Variants in MSL2 observed in about 807,000 individuals in gnomAD.
MSL2 encodes the protein E3 ubiquitin-protein ligase MSL2.
A neutral mutation model predicts 35.8 loss-of-function variants in MSL2; 2 were observed. That is an observed-to-expected ratio of 0.06 (90% CI 0.02 to 0.18). MSL2 has a LOEUF of 0.18. Ranked by LOEUF, MSL2 falls within the 10% of genes least tolerant of loss-of-function variation. The pLI, the probability that MSL2 is intolerant of heterozygous loss-of-function variation, is 1.00. For missense variants in MSL2, 523 were observed against 706.7 expected (o/e 0.74, Z 2.95); for synonymous variants, 296 against 255.7 (o/e 1.16, Z -1.50).
intron 1 of MSL2, among the ~76,000 whole-genome samples, chr3:136,181,991 T>A (rs372541429): frequency 7.7e-4 from 117 of 151,694 alleles, no homozygotes; most frequent in African/African-American, 2.2e-3. Context: ...GAAAAAAAAA[T>A]TTTTTAATTT....
intron 1 of MSL2, among the ~76,000 whole-genome samples, chr3:136,189,622 G>A (rs935180364): frequency 2.6e-5 from 4 of 150,992 alleles, no homozygotes; most frequent in East Asian, 1.9e-4. Context: ...TACTCAGGAG[G>A]CTGAGGCAGG....
At chr3:136,170,783 G>A (rs575395785) in intron 1 of MSL2, among the ~76,000 whole-genome samples, 2 of 152,086 alleles carry the variant, frequency 1.3e-5, no homozygotes, top group South Asian at 4.1e-4. Flanking sequence ...GATTACAGGC[G>A]TGAGCCACTG....
At chr3:136,187,231 T>A (rs1226195702) in intron 1 of MSL2, among the ~76,000 whole-genome samples, 2 of 152,188 alleles carry the variant, frequency 1.3e-5, no homozygotes, top group South Asian at 4.1e-4. Flanking sequence ...GATAACACAA[T>A]ACATTTCAAA....
intron 1 of MSL2, among the ~76,000 whole-genome samples, chr3:136,176,339 C>A (rs1030838805): frequency 2.6e-5 from 4 of 151,692 alleles, no homozygotes; most frequent in African/African-American, 9.7e-5. Context: ...CACAGCAAAA[C>A]CCCGTCTCTA....
intron 1 of MSL2, among the ~76,000 whole-genome samples, chr3:136,191,017 G>GT (rs1940672611): frequency 6.6e-6 from 1 of 152,152 alleles, no homozygotes; most frequent in South Asian, 2.1e-4. Flanking sequence ...TAACAAAACT[G>GT]TAACTGCAAT....
chr3:136,174,215 T>A (rs1222201552), intron 1 of MSL2, among the ~76,000 whole-genome samples: 1 of 152,202 alleles, frequency 6.6e-6, no homozygotes, highest in Non-Finnish European at 1.5e-5. Context: ...AATGAATTAA[T>A]CATAAAAAGA....
intron 1 of MSL2, among the ~76,000 whole-genome samples, chr3:136,178,666 G>A (rs1940251060): frequency 6.6e-6 from 1 of 150,944 alleles, no homozygotes; most frequent in Non-Finnish European, 1.5e-5. Flanking sequence ...CCAAGTAGCT[G>A]GGAAATTACA....
At chr3:136,191,692 G>A (rs1313297404) in intron 1 of MSL2, among the ~76,000 whole-genome samples, 2 of 152,122 alleles carry the variant, frequency 1.3e-5, no homozygotes, top group African/African-American at 4.8e-5. Flanking sequence ...AGGACTGCAT[G>A]AATCCAGGAG....
At position 136,149,823 on chromosome 3, in the gene MSL2, CGTA is replaced by C. The variant is rs1939296734; in HGVS notation, c.*1321_*1323del. 1 of 152,166 alleles carries C rather than the reference CGTA, an allele frequency of 6.6e-6. No homozygotes were observed. The highest frequency in any genetic ancestry group is 2.4e-5 in the African/African-American group (1 of 41,422). The allele number at this position is 152,166 out of a possible 1,614,324, so 9.4% of individuals were successfully genotyped here. A position where few individuals can be genotyped will look rare whatever the true frequency, so the allele number is the denominator to read the frequency against. On this transcript the variant is annotated 3_prime_UTR_variant, in exon 2 of 2. Transcript: ENST00000309993. The stretch of plus-strand genomic sequence containing the variant: ...GTCAGATCTTACTAGAGATGGTGAA[CGTA>C]GTAGAAATTGGAAATTTTCCAGCAG...
intron 1 of MSL2, among the ~76,000 whole-genome samples, chr3:136,172,813 G>A (rs1397366521): frequency 6.6e-6 from 1 of 152,082 alleles, no homozygotes; most frequent in Non-Finnish European, 1.5e-5. Context: ...AGAATCTTAT[G>A]AGGATCATTA....
At chr3:136,184,045 C>T (rs1156928598) in intron 1 of MSL2, among the ~76,000 whole-genome samples, 2 of 152,196 alleles carry the variant, frequency 1.3e-5, no homozygotes, top group Non-Finnish European at 2.9e-5. Context: ...CCTGTAATCG[C>T]AGCACTTTGG....
At chr3:136,158,278 C>T (rs1939589951) in intron 1 of MSL2, among the ~76,000 whole-genome samples, 1 of 151,224 alleles carries the variant, frequency 6.6e-6, no homozygotes, top group Non-Finnish European at 1.5e-5. Context: ...TGCCACTGCA[C>T]TCCAGCCTGG....
chr3:136,165,371 T>G (rs1440188209), intron 1 of MSL2, among the ~76,000 whole-genome samples: 10 of 152,218 alleles, frequency 6.6e-5, no homozygotes, highest in Admixed American at 6.5e-4. Flanking sequence ...TTCATTTTTG[T>G]GCCTCAACAT....
At chr3:136,193,010 AT>A (rs796776772) in intron 1 of MSL2, among the ~76,000 whole-genome samples, 99 of 152,332 alleles carry the variant, frequency 6.5e-4, no homozygotes, top group African/African-American at 2.3e-3. Flanking sequence ...CAGCTACTCA[AT>A]CATAAGGGAG....
chr3:136,151,483 A>C lies in MSL2; in HGVS notation c.1398T>G (p.Arg466=). The change falls in exon 2 of 2, where the codon CGT becomes CGG. Residue 466 remains arginine, a synonymous_variant. Coordinates refer to ENST00000309993, the MANE Select transcript of MSL2 (RefSeq NM_018133.4). The surrounding 1 kb of genome is among the most constrained non-coding windows in gnomAD (Gnocchi z 5.2). ...PQEKKGCKCG[R]ATQNPSVLTC... is the part of the protein sequence containing the mutation. ...TAAGAACACTTGGATTTTGAGTAGC[A>C]CGCCCACATTTACACCCTTTCTTTT... The C allele has an allele frequency of 6.2e-7, 1 of 1,614,204 alleles. No homozygotes were observed. Among genetic ancestry groups the C allele is most frequent in the Non-Finnish European group, 8.5e-7 (1 of 1,180,022 alleles).
intron 1 of MSL2, among the ~76,000 whole-genome samples, chr3:136,169,956 G>T (rs1421228386): frequency 6.6e-6 from 1 of 151,576 alleles, no homozygotes; most frequent in Non-Finnish European, 1.5e-5. Flanking sequence ...CTCGGGCTGA[G>T]GCACAAATCA....
intron 1 of MSL2, among the ~76,000 whole-genome samples, chr3:136,190,118 T>C (rs1382850878): frequency 1.3e-5 from 2 of 152,104 alleles, no homozygotes; most frequent in Non-Finnish European, 2.9e-5. Flanking sequence ...TCGTGACACA[T>C]GAGGTCTGTT....
rs1222206106 is a variant in MSL2 at position 136,149,422 on chromosome 3, C to T, written c.*1725G>A. On this transcript the variant is annotated 3_prime_UTR_variant, in exon 2 of 2. Coordinates refer to ENST00000309993, the MANE Select transcript of MSL2 (RefSeq NM_018133.4). ...AAATAAAATTCCAAATCTTGGAAAGCAAATAAAGACAAGACAACTAAGAAG... is the reference window on the plus strand; with the variant it reads ...AAATAAAATTCCAAATCTTGGAAAGTAAATAAAGACAAGACAACTAAGAAG... 6.6e-6 allele frequency: 1 copy of T among 152,354 alleles called. No individual in the cohort carries two copies. Among genetic ancestry groups the T allele is most frequent in the Admixed American group, 6.6e-5 (1 of 15,250 alleles). The allele number at this position is 152,354 out of a possible 1,614,324, so 9.4% of individuals were successfully genotyped here.
At chr3:136,164,854 G>C (rs2108070653) in intron 1 of MSL2, among the ~76,000 whole-genome samples, 1 of 151,976 alleles carries the variant, frequency 6.6e-6, no homozygotes, top group East Asian at 1.9e-4. Flanking sequence ...TACAAAAAAA[G>C]ACTCACTCAA....
Sources: allele counts gnomAD v4.1 joint callset (sites outside exome capture counted in the v4.1 genomes callset), GRCh38; gene constraint gnomAD v4.1.1; non-coding constraint Gnocchi (gnomAD v3.1); transcripts MANE v1.5; gene names NCBI Gene and HGNC (gene_info 2026-07-23, HGNC 2026-07-21).